The following TMEM132D variants were observed in gnomAD, a reference collection of about 807,000 sequenced individuals.
TMEM132D encodes transmembrane protein 132D.
TMEM132D carries 21 observed loss-of-function variants against 62.3 expected under a neutral mutation model. That is an observed-to-expected ratio of 0.34 (90% confidence interval 0.24 to 0.49). TMEM132D has a LOEUF of 0.49. TMEM132D is among the 20% of genes least tolerant of loss of function. TMEM132D has a pLI of 0.99. For synonymous variants in TMEM132D, 621 were observed against 575.6 expected (o/e 1.08, Z -1.13); for missense variants, 1,346 against 1,402.8 (o/e 0.96, Z 0.65).
At position 129,166,776 on chromosome 12, in the gene TMEM132D, CATATATATATATATATATAT is replaced by C. The variant is rs59414458; in HGVS notation, c.1443+42724_1443+42743del. On this transcript the variant is annotated intron_variant, in intron 5 of 8. Transcript: ENST00000422113. ...ATACACACACACATATATATATATACATATATATATATATATATATATATATATATATATTTCAGTTGTCA... is the reference window on the plus strand; with the variant it reads ...ATACACACACACATATATATATATACATATATATATATATTTCAGTTGTCA... 7.8e-4 allele frequency among the ~76,000 whole-genome samples: 74 copies of C among 95,480 alleles called. 1 individual carries two copies. Among genetic ancestry groups the C allele is most frequent in the African/African-American group, 2.0e-3 (65 of 32,640 alleles). 62.6% of individuals were successfully genotyped at this position (95,480 alleles called of 152,430 possible).
At chr12:129,241,941 GA>G (rs1230773447) in intron 4 of TMEM132D, among the ~76,000 whole-genome samples, 1 of 152,054 alleles carries the variant, frequency 6.6e-6, no homozygotes, top group South Asian at 2.1e-4. Context: ...TTAAACAACA[GA>G]AAAAAATGCA....
intron 3 of TMEM132D, among the ~76,000 whole-genome samples, chr12:129,415,948 G>T (rs570611021): frequency 6.6e-6 from 1 of 152,258 alleles, no homozygotes; most frequent in African/African-American, 2.4e-5. Flanking sequence ...ATTCTGCTCG[G>T]CTTAACACTG....
intron 3 of TMEM132D, among the ~76,000 whole-genome samples, chr12:129,476,932 G>T (rs893324072): frequency 6.6e-6 from 1 of 152,062 alleles, no homozygotes; most frequent in African/African-American, 2.4e-5. Context: ...TCTACCAATC[G>T]TTTTTTGTCC....
At chr12:129,525,226 G>GGT (rs1336461549) in intron 3 of TMEM132D, among the ~76,000 whole-genome samples, 767 of 67,392 alleles carry the variant, frequency 0.011, 265 homozygotes, top group East Asian at 0.018. Context: ...TGCCCAGCCG[G>GGT]TTTTTTTTTT....
chr12:129,543,084 TGATA>T lies in TMEM132D; in HGVS notation c.969-11883_969-11880del, dbSNP rs200587002. Among the ~76,000 whole-genome samples the T allele has an allele frequency of 4.6e-3, 677 of 147,646 alleles. 5 individuals are homozygous for T. Among genetic ancestry groups the T allele is most frequent in the African/African-American group, 0.015 (616 of 39,784 alleles). ...CATTAAGCAATGCATGACAGTAAAT[TGATA>T]GATAGATTAGAAAGATGGATAGATG... On this transcript the variant is annotated intron_variant, in intron 2 of 8. Transcript: ENST00000422113.
intron 3 of TMEM132D, among the ~76,000 whole-genome samples, chr12:129,458,413 T>G (rs1406009112): frequency 1.4e-5 from 2 of 145,624 alleles, no homozygotes; most frequent in Non-Finnish European, 3.0e-5. Context: ...TTTTTTTTTG[T>G]CTTTTAGATA....
intron 2 of TMEM132D, among the ~76,000 whole-genome samples, chr12:129,626,492 C>G: frequency 6.6e-6 from 1 of 151,726 alleles, no homozygotes. Context: ...GAGTCTCGCT[C>G]TGTTGCCCAG....
intron 1 of TMEM132D, among the ~76,000 whole-genome samples, chr12:129,771,913 T>G (rs1007462974): frequency 6.6e-6 from 1 of 152,244 alleles, no homozygotes; most frequent in Admixed American, 6.5e-5. Flanking sequence ...ACTATTATGC[T>G]TATTACACAG....
chr12:129,303,098 C>T (rs77444757), intron 4 of TMEM132D, among the ~76,000 whole-genome samples: 8,574 of 152,218 alleles, frequency 0.056, 348 homozygotes, highest in Non-Finnish European at 0.087. Context: ...AACACATCAA[C>T]CGGTGCCACC....
At chr12:129,505,951 G>T (rs1223215451) in intron 3 of TMEM132D, among the ~76,000 whole-genome samples, 1 of 152,292 alleles carries the variant, frequency 6.6e-6, no homozygotes, top group East Asian at 1.9e-4. Flanking sequence ...GCAGCAGATA[G>T]TTGGTTGGTG....
chr12:129,166,369 G>T (rs12821681), intron 5 of TMEM132D, among the ~76,000 whole-genome samples: 5,637 of 35,400 alleles, frequency 0.16, 181 homozygotes, highest in East Asian at 0.28. Context: ...TGCGGGCGGA[G>T]CTCCATCTAA....
At chr12:129,640,053 C>T (rs1250824935) in intron 2 of TMEM132D, among the ~76,000 whole-genome samples, 2 of 14,778 alleles carry the variant, frequency 1.4e-4, no homozygotes, top group Non-Finnish European at 5.0e-4. Flanking sequence ...CGTGTGCACA[C>T]ACACATACAC....
At chr12:129,318,569 A>G (rs1239828228) in intron 4 of TMEM132D, among the ~76,000 whole-genome samples, 1 of 152,136 alleles carries the variant, frequency 6.6e-6, no homozygotes, top group East Asian at 1.9e-4. Flanking sequence ...AATGGATTCC[A>G]TGAGGATCTT....
chr12:129,523,693 G>A (rs138290977), intron 3 of TMEM132D, among the ~76,000 whole-genome samples: 1 of 152,256 alleles, frequency 6.6e-6, no homozygotes, highest in African/African-American at 2.4e-5. Flanking sequence ...AGCAATACGA[G>A]GGTAAATTAA....
At chr12:129,600,972 T>C (rs1221746183) in intron 2 of TMEM132D, among the ~76,000 whole-genome samples, 1 of 152,210 alleles carries the variant, frequency 6.6e-6, no homozygotes, top group Non-Finnish European at 1.5e-5. Context: ...AGCCTGTCCT[T>C]TGAAGCCAGA....
At chr12:129,387,383 A>G (rs1871137361) in intron 3 of TMEM132D, among the ~76,000 whole-genome samples, 1 of 152,038 alleles carries the variant, frequency 6.6e-6, no homozygotes, top group Admixed American at 6.5e-5. Context: ...CAACACTAAC[A>G]AACACTAACA....
intron 8 of TMEM132D, among the ~76,000 whole-genome samples, chr12:129,077,702 T>C (rs969094880): frequency 5.3e-5 from 8 of 151,342 alleles, no homozygotes; most frequent in African/African-American, 1.7e-4. Context: ...CACACACACA[T>C]ATGCACACAT....
intron 3 of TMEM132D, among the ~76,000 whole-genome samples, chr12:129,398,203 T>G (rs907804260): frequency 6.6e-6 from 1 of 152,126 alleles, no homozygotes; most frequent in Non-Finnish European, 1.5e-5. Context: ...CATAGAGAAA[T>G]TTTTTGTTTA....
chr12:129,106,084 G>C (rs1295539172), intron 5 of TMEM132D, among the ~76,000 whole-genome samples: 1 of 151,008 alleles, frequency 6.6e-6, no homozygotes, highest in Non-Finnish European at 1.5e-5. Context: ...ATACTATGCA[G>C]CCATAAAAAA....
Sources: allele counts gnomAD v4.1 joint callset (sites outside exome capture counted in the v4.1 genomes callset), GRCh38; gene constraint gnomAD v4.1.1; transcripts MANE v1.5; gene names NCBI Gene and HGNC (gene_info 2026-07-23, HGNC 2026-07-21).